SPATA6L: variants seen among roughly 807,000 people sequenced by gnomAD.
SPATA6L encodes the protein spermatogenesis associated 6-like protein.
SPATA6L carries 68 observed loss-of-function variants against 49.2 expected under a neutral mutation model. The observed-to-expected ratio is 1.38, with a 90% CI of 1.14 to 1.69. The LOEUF (loss-of-function observed/expected upper bound fraction) is 1.69. Ranked by LOEUF, SPATA6L falls within the 40% of genes most tolerant of loss-of-function variation. SPATA6L has a pLI of 0.00. For synonymous variants in SPATA6L, 198 were observed against 165.7 expected (o/e 1.19, Z -1.50); for missense variants, 668 against 464.3 (o/e 1.44, Z -4.03).
intron 13 of SPATA6L, among the ~76,000 whole-genome samples, chr9:4,593,158 A>G (rs1331273555): frequency 6.6e-6 from 1 of 152,222 alleles, no homozygotes; most frequent in South Asian, 2.1e-4. Context: ...TTTCCTAACT[A>G]TTAAGATATA....
chr9:4,605,949 T>TGC (rs956081082), intron 9 of SPATA6L, among the ~76,000 whole-genome samples: 5 of 152,234 alleles, frequency 3.3e-5, no homozygotes, highest in Admixed American at 2.6e-4. Context: ...GGCCAGTGTG[T>TGC]GCGCGCACCG....
At chr9:4,606,233 C>T (rs539137410) in intron 9 of SPATA6L, among the ~76,000 whole-genome samples, 1 of 147,392 alleles carries the variant, frequency 6.8e-6, no homozygotes, top group Non-Finnish European at 1.5e-5. Context: ...GGGGCGCCCG[C>T]CATTGCCCAG....
intron 3 of SPATA6L, chr9:4,646,532 A>C: frequency 6.7e-7 from 1 of 1,496,754 alleles, no homozygotes; most frequent in Non-Finnish European, 8.9e-7. Flanking sequence ...AGGAAGCCTA[A>C]AAAGGAAAAA....
At chr9:4,618,794 G>A in intron 8 of SPATA6L, 70 bp downstream of exon 8, 2 of 1,444,916 alleles carry the variant, frequency 1.4e-6, no homozygotes, top group Non-Finnish European at 1.9e-6. Context: ...CCACTGATTG[G>A]AAAAAGCACA....
chr9:4,605,540 T>TA (rs1034624978), intron 9 of SPATA6L, 100 bp from the exon 10 acceptor site: 1 of 762,878 alleles, frequency 1.3e-6, no homozygotes, highest in African/African-American at 1.8e-5. Context: ...TTAATTATAA[T>TA]AAAAAACAGC....
chr9:4,596,949 G>C (rs1822308580), downstream of SPATA6L, among the ~76,000 whole-genome samples: 1 of 152,160 alleles, frequency 6.6e-6, no homozygotes, highest in African/African-American at 2.4e-5. Context: ...AATTAAATGA[G>C]ATGAGAATAA....
At chr9:4,612,097 C>T (rs567966834) in intron 9 of SPATA6L, among the ~76,000 whole-genome samples, 2 of 152,018 alleles carry the variant, frequency 1.3e-5, no homozygotes, top group Admixed American at 6.6e-5. Context: ...ACCTCAATCT[C>T]CCAAAGAGCT....
In SPATA6L at chr9:4,606,528, G is replaced by C. The variant is rs371292805; in HGVS notation, c.996-1088C>G. Among the ~76,000 whole-genome samples, 20 of 36,480 alleles carry C rather than the reference G, an allele frequency of 5.5e-4. 6 individuals carry two copies. Among genetic ancestry groups the C allele is most frequent in the South Asian group, 1.7e-3 (2 of 1,200 alleles). The allele number at this position is 36,480 out of a possible 152,430, so 23.9% of individuals were successfully genotyped here. ...CAGCCTAACTGGGAGGCACCCCCCA[G>C]CAGGGGCACACTGACACCTCACACG... is the stretch of plus-strand genomic sequence containing the variant. On this transcript the variant is annotated intron_variant, in intron 9 of 11. Transcript: ENST00000682582.
chr9:4,606,646 A>G (rs1237108275), intron 9 of SPATA6L, among the ~76,000 whole-genome samples: 2 of 74,556 alleles, frequency 2.7e-5, no homozygotes, highest in Non-Finnish European at 5.4e-5. Context: ...CCATCTGTAC[A>G]TCACCATCAT....
chr9:4,621,085 G>A (rs1170105141), intron 7 of SPATA6L, among the ~76,000 whole-genome samples: 1 of 152,132 alleles, frequency 6.6e-6, no homozygotes, highest in Non-Finnish European at 1.5e-5. Context: ...CTAAGATAAA[G>A]ATCTCTATTG....
At chr9:4,608,811 G>A (rs1825954080) in intron 9 of SPATA6L, among the ~76,000 whole-genome samples, 1 of 151,936 alleles carries the variant, frequency 6.6e-6, no homozygotes, top group Admixed American at 6.5e-5. Context: ...AGAACTGAAG[G>A]AAATAGAGAC....
chr9:4,650,533 T>A (rs892705308), intron 3 of SPATA6L, among the ~76,000 whole-genome samples: 1 of 152,272 alleles, frequency 6.6e-6, no homozygotes, highest in African/African-American at 2.4e-5. Context: ...AAAAGTTGGT[T>A]GTTTAAAATG....
At chr9:4,656,663 A>T (rs1346508899) in intron 2 of SPATA6L, among the ~76,000 whole-genome samples, 1 of 152,240 alleles carries the variant, frequency 6.6e-6, no homozygotes, top group Non-Finnish European at 1.5e-5. Context: ...CAACAATAAG[A>T]AGTGCAAGAA....
intron 4 of SPATA6L, among the ~76,000 whole-genome samples, chr9:4,629,767 GTGTATATATATATA>G (rs1334145054): frequency 4.5e-5 from 4 of 88,900 alleles, no homozygotes; most frequent in African/African-American, 2.6e-4. Context: ...GTGTGTGTGT[GTGTATATATATATA>G]TATATATATA....
intron 3 of SPATA6L, among the ~76,000 whole-genome samples, chr9:4,637,484 A>C (rs1283361161): frequency 6.6e-6 from 1 of 152,138 alleles, no homozygotes; most frequent in Non-Finnish European, 1.5e-5. Flanking sequence ...GAAAACAGTG[A>C]CTTTGTCTTT....
At chr9:4,643,407 T>G (rs1834492754) in intron 3 of SPATA6L, among the ~76,000 whole-genome samples, 1 of 152,190 alleles carries the variant, frequency 6.6e-6, no homozygotes, top group Non-Finnish European at 1.5e-5. Flanking sequence ...GGAACCTTAT[T>G]GGGGATCAGT....
At chr9:4,617,285 C>G (rs1448078687) in intron 9 of SPATA6L, 2 of 152,206 alleles carry the variant, frequency 1.3e-5, no homozygotes, top group African/African-American at 2.4e-5. Flanking sequence ...TTCAGTGCCA[C>G]TTCCCCGAAG....
At chr9:4,631,808 G>A (rs117122275) in intron 4 of SPATA6L, among the ~76,000 whole-genome samples, 1 of 152,238 alleles carries the variant, frequency 6.6e-6, no homozygotes, top group African/African-American at 2.4e-5. Context: ...TAAGAGTGCA[G>A]GCTCTGAAGC....
intron 9 of SPATA6L, among the ~76,000 whole-genome samples, chr9:4,605,737 C>T (rs1407812586): frequency 1.3e-5 from 2 of 152,050 alleles, no homozygotes; most frequent in East Asian, 1.9e-4. Flanking sequence ...ATGAACAAAC[C>T]CTACTTTTAC....
Sources: gnomAD v4.1 joint callset for allele counts (sites outside exome capture counted in the v4.1 genomes callset) on GRCh38, gnomAD v4.1.1 for gene constraint, MANE v1.5 for transcripts, NCBI Gene and HGNC (gene_info 2026-07-23, HGNC 2026-07-21) for gene names.